EZH1: variants seen among roughly 807,000 people sequenced by gnomAD.
EZH1 encodes histone-lysine N-methyltransferase EZH1.
In EZH1, 33 loss-of-function variants were observed where a neutral mutation model predicts 100.5. The observed-to-expected ratio is 0.33, with a 90% CI of 0.25 to 0.44. The LOEUF is 0.44. EZH1 is among the 20% of genes least tolerant of loss of function. EZH1 has a pLI of 1.00. For missense variants in EZH1, 475 were observed against 928.4 expected (o/e 0.51, Z 6.35); for synonymous variants, 272 against 313.8 (o/e 0.87, Z 1.41).
chr17:42,730,660 C>T (rs1488730358), intron 2 of EZH1, among the ~76,000 whole-genome samples, 168 bp downstream of exon 2: 2 of 151,112 alleles, frequency 1.3e-5, no homozygotes, highest in East Asian at 1.9e-4. Flanking sequence ...CCACGCCCGG[C>T]TAATTTTTTG....
intron 3 of EZH1, 29 bp from the exon 4 acceptor site, chr17:42,727,792 A>G (rs747882178): frequency 3.4e-5 from 50 of 1,459,586 alleles, no homozygotes; most frequent in Non-Finnish European, 4.2e-5. Context: ...AGATTAAGAT[A>G]TATTGTTATT....
intron 12 of EZH1, among the ~76,000 whole-genome samples, chr17:42,711,913 CA>C (rs2053491376): frequency 1.3e-5 from 2 of 152,050 alleles, no homozygotes; most frequent in South Asian, 4.2e-4. Context: ...GCAGCTGCAG[CA>C]GCAGCAGCAG....
intron 10 of EZH1, among the ~76,000 whole-genome samples, chr17:42,715,740 A>C (rs1241041775): frequency 6.6e-6 from 1 of 152,138 alleles, no homozygotes; most frequent in Non-Finnish European, 1.5e-5. Context: ...ATTATTTGAG[A>C]TTAAAAACGA....
Position 42,718,583 on chromosome 17 carries a change from C to G in EZH1, c.802G>C (p.Ala268Pro). The change falls in exon 9 of 21, where the codon GCA becomes CCA. Residue 268 changes from alanine to proline, a missense_variant. Ala to Pro is a conservative substitution (Grantham distance 27). Coordinates refer to ENST00000428826, the MANE Select transcript of EZH1 (RefSeq NM_001991.5). The surrounding 1 kb of genome is among the most constrained non-coding windows in gnomAD (Gnocchi z 4.2). ...RELTEMSDPN[A>P]LPPQCTPNID... ...TTGGGTGTGCACTGAGGGGGAAGTGCATTGGGGTCTGACATCTCTGTTAGT... is the reference window on the plus strand; with the variant it reads ...TTGGGTGTGCACTGAGGGGGAAGTGGATTGGGGTCTGACATCTCTGTTAGT... The G allele has an allele frequency of 6.2e-7, 1 of 1,614,160 alleles. No individual in the cohort carries two copies.
intron 13 of EZH1, 92 bp downstream of exon 13, chr17:42,709,754 A>G: frequency 8.1e-7 from 1 of 1,231,220 alleles, no homozygotes; most frequent in Non-Finnish European, 1.2e-6. Context: ...TGCGGTTGCT[A>G]AAGAGGGAGG....
At chr17:42,713,517 TATA>T (rs1197976253) in intron 10 of EZH1, 128 bp from the exon 11 acceptor site, 1 of 784,218 alleles carries the variant, frequency 1.3e-6, no homozygotes, top group East Asian at 3.1e-5. Flanking sequence ...CTCTGTACCA[TATA>T]ATAAGTATGA....
chr17:42,714,869 T>A (rs1231833214), intron 10 of EZH1, among the ~76,000 whole-genome samples: 1 of 141,478 alleles, frequency 7.1e-6, no homozygotes, highest in Non-Finnish European at 1.5e-5. Context: ...CATATAATTT[T>A]TATATATTAT....
At chr17:42,733,108 C>T (rs988718579) in intron 1 of EZH1, among the ~76,000 whole-genome samples, 1 of 150,920 alleles carries the variant, frequency 6.6e-6, no homozygotes, top group East Asian at 2.0e-4. Context: ...AAGGCCGAGG[C>T]GGGCAGATCA....
intron 6 of EZH1, among the ~76,000 whole-genome samples, chr17:42,722,120 G>C (rs2053718686): frequency 7.5e-6 from 1 of 133,802 alleles, no homozygotes; most frequent in African/African-American, 2.9e-5. Context: ...CTGCGCTCCA[G>C]CCTGGGTGAC....
At chr17:42,743,596 A>C (rs1163937945) in intron 1 of EZH1, among the ~76,000 whole-genome samples, 2 of 151,278 alleles carry the variant, frequency 1.3e-5, no homozygotes, top group Non-Finnish European at 2.9e-5. Flanking sequence ...CAGCCTCCCA[A>C]GCAGCTGGGA....
chr17:42,728,609 G>A (rs905100960), intron 3 of EZH1, among the ~76,000 whole-genome samples: 2 of 151,208 alleles, frequency 1.3e-5, no homozygotes, highest in Non-Finnish European at 2.9e-5. Flanking sequence ...GGGCGTGGTG[G>A]CAGGCGCCTG....
intron 4 of EZH1, chr17:42,724,746 C>T (rs1048618849): frequency 5.1e-6 from 1 of 194,314 alleles, no homozygotes; most frequent in Non-Finnish European, 1.1e-5. Context: ...TGCACTCCAG[C>T]CTGGGTGACA....
Position 42,718,513 on chromosome 17 carries a change from A to C in EZH1, c.872T>G (p.Leu291Arg). ...NAKSVQREQS[L>R]HSFHTLFCRR... ...GCAAAAAAGTGTGTGGAAGGAGTGC[A>C]GAGATTGCTCCCGCTGCACAGACTT... The change falls in exon 9 of 21, where the codon CTG becomes CGG. Residue 291 changes from leucine to arginine, a missense_variant. By Grantham distance (102) the Leu-to-Arg change is moderately radical. Transcript: ENST00000428826. The surrounding 1 kb of genome is among the most constrained non-coding windows in gnomAD (Gnocchi z 4.2). 1 of 1,614,230 alleles carries C rather than the reference A, an allele frequency of 6.2e-7. No individual in the cohort carries two copies. Among genetic ancestry groups the C allele is most frequent in the Non-Finnish European group, 8.5e-7 (1 of 1,180,054 alleles).
intron 5 of EZH1, among the ~76,000 whole-genome samples, chr17:42,724,043 A>C (rs560970490): frequency 6.6e-6 from 1 of 152,282 alleles, no homozygotes; most frequent in East Asian, 1.9e-4. Flanking sequence ...ACTAAGAGAA[A>C]ATTGAAATCT....
intron 15 of EZH1, 87 bp downstream of exon 15, chr17:42,707,871 C>G (rs1011695998): frequency 1.8e-5 from 27 of 1,518,520 alleles, no homozygotes; most frequent in Non-Finnish European, 2.5e-5. Context: ...AGGCCATAAG[C>G]AGTAAAGGGC....
In EZH1 at chr17:42,712,292, C is replaced by G. The variant is rs372323124; in HGVS notation, c.1398G>C (p.Lys466Asn). 7 of 1,613,208 alleles carry G rather than the reference C, an allele frequency of 4.3e-6. No homozygotes were observed. Among genetic ancestry groups the G allele is most frequent in the Non-Finnish European group, 5.9e-6 (7 of 1,179,882 alleles). ...TTCTGCTGCTTCCAGATGGTACCTGCTTGCACGTCTTGGTCCCCAGAAGCC... is the reference window on the plus strand; with the variant it reads ...TTCTGCTGCTTCCAGATGGTACCTGGTTGCACGTCTTGGTCCCCAGAAGCC... ...IARLLGTKTC[K>N]QVFQFAVKES... Residue 466 changes from lysine (K) to asparagine (N), a missense_variant, in exon 12 of 21, where the codon AAG (lysine) becomes AAC (asparagine). By Grantham distance (94) the Lys-to-Asn change is moderately conservative. This residue lies in a region of EZH1 where 83 missense variants were observed against 142.1 expected (regional missense o/e 0.58). Coordinates refer to ENST00000428826, the MANE Select transcript of EZH1 (RefSeq NM_001991.5).
intron 19 of EZH1, chr17:42,703,278 G>A (rs1403528973): frequency 3.4e-5 from 11 of 327,004 alleles, no homozygotes; most frequent in Admixed American, 4.6e-5. Context: ...GGGTTCAAGC[G>A]ATTCTTGTGC....
At chr17:42,707,282 A>G (rs577980286) in intron 15 of EZH1, among the ~76,000 whole-genome samples, 1 of 150,820 alleles carries the variant, frequency 6.6e-6, no homozygotes, top group East Asian at 1.9e-4. Flanking sequence ...TCTTTTTGAG[A>G]CAGAGTCTTG....
intron 1 of EZH1, among the ~76,000 whole-genome samples, chr17:42,735,482 T>C (rs1197120452): frequency 6.6e-6 from 1 of 152,120 alleles, no homozygotes; most frequent in Non-Finnish European, 1.5e-5. Flanking sequence ...AAATACTTTA[T>C]ATTTCTACCA....
Sources: allele counts gnomAD v4.1 joint callset (sites outside exome capture counted in the v4.1 genomes callset), GRCh38; gene constraint gnomAD v4.1.1; regional missense constraint gnomAD v4.1.1; non-coding constraint Gnocchi (gnomAD v3.1); transcripts MANE v1.5; gene names NCBI Gene and HGNC (gene_info 2026-07-23, HGNC 2026-07-21).